AARS2: variants seen among roughly 807,000 people sequenced by gnomAD.
AARS2 encodes the protein alanyl-tRNA synthetase 2, mitochondrial, also known as alanine--tRNA ligase, mitochondrial.
In AARS2, 78 loss-of-function variants were observed where a neutral mutation model predicts 119.7. The observed-to-expected ratio is 0.65, with a 90% confidence interval of 0.54 to 0.79. The LOEUF is 0.79. Ranked by LOEUF, AARS2 falls within the 30% of genes least tolerant of loss-of-function variation. The pLI, the probability that AARS2 is intolerant of heterozygous loss-of-function variation, is 0.00. For missense variants in AARS2, 1,157 were observed against 1,291.3 expected, an observed-to-expected ratio of 0.90 and a Z score of 1.59; for synonymous variants, 502 against 526.3, an observed-to-expected ratio of 0.95 and a Z score of 0.63.
chr6:44,305,821 G>A lies in AARS2; in HGVS notation c.1301-35C>T. On this transcript the variant is annotated intron_variant, in intron 9 of 21. Transcript: ENST00000244571. The surrounding 1 kb of genome is among the most constrained non-coding windows in gnomAD (Gnocchi z 4.6). ...AGAAAGACAAAGAATGTTGAGGAGG[G>A]GAGGGATTAGACAAAGAAGGGGAGA... The A allele has an allele frequency of 6.2e-7, 1 of 1,612,586 alleles. No individual in the cohort carries two copies. Among genetic ancestry groups the A allele is most frequent in the Non-Finnish European group, 8.5e-7 (1 of 1,178,702 alleles).
rs1785806573 is a variant in AARS2, at chr6:44,305,935, G to A, written c.1301-149C>T. 2.0e-6 allele frequency: 2 copies of A among 1,001,588 alleles called. No homozygotes were observed. Among genetic ancestry groups the A allele is most frequent in the Admixed American group, 2.2e-5 (1 of 45,798 alleles). The allele number at this position is 1,001,588 out of a possible 1,614,324, so 62.0% of individuals were successfully genotyped here. ...CTCCATACTGGGTAGCCTCAGGAGA[G>A]GGGTCACATTCAGGCTTCATGCCTC... On this transcript the variant is annotated intron_variant, in intron 9 of 21. Transcript: ENST00000244571. The surrounding 1 kb of genome is among the most constrained non-coding windows in gnomAD (Gnocchi z 4.6).
intron 7 of AARS2, 80 bp downstream of exon 7, chr6:44,306,843 G>C: frequency 7.4e-7 from 1 of 1,352,910 alleles, no homozygotes; most frequent in East Asian, 2.3e-5. Context: ...CACCCAGGCT[G>C]GGGGCACTGT....
chr6:44,307,589 G>C lies in AARS2; in HGVS notation c.895-195C>G. ...TGCCCTCACGGGGCTCATATTTGGT[G>C]CTACAAGTGAACATATCTGTGACCA... On this transcript the variant is annotated intron_variant, in intron 5 of 21. Transcript: ENST00000244571. This position sits in a 1 kb window ranked among gnomAD's most constrained non-coding sequence, Gnocchi z 4.4. 1.5e-6 allele frequency: 1 copy of C among 664,036 alleles called. No individual in the cohort carries two copies. Among genetic ancestry groups the C allele is most frequent in the Non-Finnish European group, 2.6e-6 (1 of 390,056 alleles). 41.1% of individuals were successfully genotyped at this position (664,036 alleles called of 1,614,324 possible). A position where few individuals can be genotyped will look rare whatever the true frequency, so the allele number is the denominator to read the frequency against.
intron 5 of AARS2, among the ~76,000 whole-genome samples, chr6:44,308,118 C>T (rs1429055200): frequency 2.6e-5 from 4 of 152,196 alleles, no homozygotes; most frequent in African/African-American, 9.7e-5. Flanking sequence ...ACTTCCACTG[C>T]TATTATCCGA....
chr6:44,301,404 T>C lies in AARS2; in HGVS notation c.2659A>G (p.Thr887Ala). The change falls in exon 20 of 22, where the codon ACA (threonine) becomes GCA (alanine). Residue 887 changes from threonine (T) to alanine (A), a missense_variant. By Grantham distance (58) the Thr-to-Ala change is moderately conservative (BLOSUM62 0). Transcript: ENST00000244571. The stretch of plus-strand genomic sequence containing the variant: ...ACTGAGAGAGACTCAGCAGAGACTG[T>C]GTCCACAATCAGAGGCCCCTTCGAG... ...RHSKGPLIVD[T>A]VSAESLSVLV... 1 of 1,613,992 alleles carries C rather than the reference T, an allele frequency of 6.2e-7. No individual in the cohort carries two copies.
At chr6:44,312,017 G>A in intron 2 of AARS2, 55 bp downstream of exon 2, 2 of 1,595,898 alleles carry the variant, frequency 1.3e-6, no homozygotes, top group Non-Finnish European at 1.7e-6. Flanking sequence ...CAGTACAATG[G>A]AAACAGGACA....
At position 44,304,701 on chromosome 6, in the gene AARS2, C is replaced by T. The variant is rs764610166; in HGVS notation, c.1696G>A (p.Ala566Thr). The T allele has an allele frequency of 9.9e-6, 16 of 1,614,134 alleles. No homozygotes were observed. The highest frequency in any genetic ancestry group is 1.3e-5 in the African/African-American group (1 of 74,932). Residue 566 changes from alanine to threonine, a missense_variant, in exon 12 of 22, where the codon GCA (alanine) becomes ACA (threonine). Physicochemically the swap from Ala to Thr is moderately conservative, Grantham distance 58 (BLOSUM62 0). Transcript: ENST00000244571. ...TCTGAAGCCTGGCCCCCCTGTTCTG[C>T]GTAGAAGTTGGTCCTGTCCAAGAGG... ...GLLLDRTNFY[A>T]EQGGQASDRG... is the part of the protein sequence containing the mutation.
Position 44,300,457 on chromosome 6 carries a change from C to A in AARS2, c.*90G>T. 5 of 1,582,278 alleles carry A rather than the reference C, an allele frequency of 3.2e-6. No individual in the cohort carries two copies. Among genetic ancestry groups the A allele is most frequent in the African/African-American group, 1.3e-5 (1 of 74,408 alleles). Reference sequence around the variant, plus strand: ...AGCTGCTTGGCCTCCAGCCTCTAGTCCTCGCTTCAGCATGTGGGAAGGTTC... The same window carrying A: ...AGCTGCTTGGCCTCCAGCCTCTAGTACTCGCTTCAGCATGTGGGAAGGTTC... On this transcript the variant is annotated 3_prime_UTR_variant, in exon 22 of 22. Coordinates refer to ENST00000244571, the MANE Select transcript of AARS2 (RefSeq NM_020745.4).
chr6:44,310,218 T>C, intron 5 of AARS2, 81 bp downstream of exon 5: 1 of 1,514,296 alleles, frequency 6.6e-7, no homozygotes, highest in Non-Finnish European at 9.0e-7. Context: ...CACTCTGAGT[T>C]CTCAACAAAG....
intron 16 of AARS2, 28 bp from the exon 17 acceptor site, chr6:44,302,938 T>C: frequency 6.2e-7 from 1 of 1,610,446 alleles, no homozygotes; most frequent in Non-Finnish European, 8.5e-7. Context: ...GAACAGAAAG[T>C]CGGGGCATGA....
rs770902982 is a variant in AARS2 at position 44,307,367 on chromosome 6, G to T, written c.922C>A (p.Arg308=). The change falls in exon 6 of 22, where the codon CGA becomes AGA. Residue 308 remains arginine, a synonymous_variant. Transcript: ENST00000244571. The surrounding 1 kb of genome is among the most constrained non-coding windows in gnomAD (Gnocchi z 4.4). ...QGCRAPPYLG[R]VGVADEGRTD... is the part of the protein sequence containing the mutation. ...CGCCCCTCGTCTGCCACCCCTACTC[G>T]GCCCAAGTAAGGGGGTGCCCTGCAG... 8 of 1,608,672 alleles carry T rather than the reference G, an allele frequency of 5.0e-6. No individual in the cohort carries two copies. The African/African-American group carries it at 8.0e-5, about 16-fold the overall frequency.
chr6:44,311,688 CCT>C (rs1786371823), intron 2 of AARS2, among the ~76,000 whole-genome samples, 153 bp from the exon 3 acceptor site: 1 of 152,204 alleles, frequency 6.6e-6, no homozygotes, highest in African/African-American at 2.4e-5. Context: ...ACCATTACTG[CCT>C]CTGAGTGTTT....
rs779462143 is a variant in AARS2 at position 44,307,272 on chromosome 6, G to A, written c.1017C>T (p.Ile339=). The A allele has an allele frequency of 4.3e-6, 7 of 1,613,954 alleles. No homozygotes were observed. Among genetic ancestry groups the A allele is most frequent in the Non-Finnish European group, 5.1e-6 (6 of 1,179,992 alleles). Reference sequence around the variant, plus strand: ...ACGGGGGACCTGACATCCCAGGGAAGATGCCATCAGAGATGCAGACACTGA... The same window carrying A: ...ACGGGGGACCTGACATCCCAGGGAAAATGCCATCAGAGATGCAGACACTGA... ...RTLSVCISDG[I]FPGMSGPPLV... is the part of the protein sequence containing the mutation. Residue 339 remains isoleucine, a synonymous_variant, in exon 6 of 22, where the codon ATC becomes ATT. Transcript: ENST00000244571. This position sits in a 1 kb window ranked among gnomAD's most constrained non-coding sequence, Gnocchi z 4.4.
chr6:44,306,331 G>C lies in AARS2; in HGVS notation c.1249C>G (p.Arg417Gly). The C allele has an allele frequency of 6.2e-7, 1 of 1,614,108 alleles. No homozygotes were observed. The highest frequency in any genetic ancestry group is 8.5e-7 in the Non-Finnish European group (1 of 1,180,008). Residue 417 changes from arginine to glycine, a missense_variant, in exon 9 of 22, where the codon CGG becomes GGG. Coordinates refer to ENST00000244571, the MANE Select transcript of AARS2 (RefSeq NM_020745.4). ...GTCCTCAGAGTCCGATCAATGATCC[G>C]CCTACCCCGCTCCAGGGAGGCCAGG... The part of the protein sequence containing the change: ...AFLASLERGR[R>G]IIDRTLRTLG...
chr6:44,313,053 C>T (rs1289327931), intron 1 of AARS2, 28 bp downstream of exon 1: 2 of 1,612,142 alleles, frequency 1.2e-6, no homozygotes, highest in Non-Finnish European at 1.7e-6. Context: ...ACGAACTCCG[C>T]TCCCTATCAG....
At chr6:44,301,116 T>A (rs1467329262) in intron 21 of AARS2, 40 bp downstream of exon 21, 2 of 1,552,590 alleles carry the variant, frequency 1.3e-6, no homozygotes. Flanking sequence ...CCAGGATGGG[T>A]ATTAATGGGG....
chr6:44,305,381 G>A lies in AARS2; in HGVS notation c.1435-183C>T, dbSNP rs545442352. Among the ~76,000 whole-genome samples the A allele has an allele frequency of 3.3e-5, 5 of 152,162 alleles. No homozygotes were observed. The highest frequency in any genetic ancestry group is 7.2e-5 in the African/African-American group (3 of 41,438). ...AGCTGGTTGAACCATCCATCATGTC[G>A]GCTCCTCGGGATTAGGCCTTCCTGC... On this transcript the variant is annotated intron_variant, in intron 10 of 21. Transcript: ENST00000244571. This position sits in a 1 kb window ranked among gnomAD's most constrained non-coding sequence, Gnocchi z 4.6.
chr6:44,313,260 A>T lies in AARS2; in HGVS notation c.64T>A (p.Trp22Arg), dbSNP rs1786534037. ...LRRAIRRSPA[W>R]RGLSHRPLSS... ...AGCGGCCGATGGCTGAGGCCCCGCCATGCGGGCGACCTTCGAATGGCCCGC... is the reference window on the plus strand; with the variant it reads ...AGCGGCCGATGGCTGAGGCCCCGCCTTGCGGGCGACCTTCGAATGGCCCGC... Residue 22 changes from tryptophan (W) to arginine (R), a missense_variant, in exon 1 of 22, where the codon TGG (tryptophan) becomes AGG (arginine). Coordinates refer to ENST00000244571, the MANE Select transcript of AARS2 (RefSeq NM_020745.4). The T allele has an allele frequency of 3.1e-6, 5 of 1,596,506 alleles. No individual in the cohort carries two copies. The highest frequency in any genetic ancestry group is 2.7e-5 in the African/African-American group (2 of 74,750).
Position 44,302,461 on chromosome 6 carries a change from C to T in AARS2, c.2417G>A (p.Arg806Gln), listed in dbSNP as rs148172134. ...LAQEVKAATE[R>Q]LSLGSRDVAE... Reference sequence around the variant, plus strand: ...CACATCCCGGCTCCCCAGACTCAGCCGCTCAGTGGCCGCTTTCACTTCCTG... The same window carrying T: ...CACATCCCGGCTCCCCAGACTCAGCTGCTCAGTGGCCGCTTTCACTTCCTG... Residue 806 changes from arginine to glutamine, a missense_variant, in exon 18 of 22, where the codon CGG becomes CAG. Coordinates refer to ENST00000244571, the MANE Select transcript of AARS2 (RefSeq NM_020745.4). The T allele has an allele frequency of 1.8e-5, 29 of 1,614,030 alleles. No individual in the cohort carries two copies. The highest frequency in any genetic ancestry group is 8.9e-5 in the East Asian group (4 of 44,896).
Sources: allele counts gnomAD v4.1 joint callset (sites outside exome capture counted in the v4.1 genomes callset), GRCh38; gene constraint gnomAD v4.1.1; non-coding constraint Gnocchi (gnomAD v3.1); transcripts MANE v1.5; gene names NCBI Gene and HGNC (gene_info 2026-07-23, HGNC 2026-07-21).